The following ALK variants were observed in gnomAD, a reference collection of about 807,000 sequenced individuals.
ALK encodes ALK tyrosine kinase receptor.
A neutral mutation model predicts 163.1 loss-of-function variants in ALK; 74 were observed. The ratio of observed to expected loss-of-function variants is 0.45; its 90% CI spans 0.38 to 0.55. The LOEUF (loss-of-function observed/expected upper bound fraction) is 0.55. Ranked by LOEUF, ALK falls within the 20% of genes least tolerant of loss-of-function variation. The probability of loss-of-function intolerance (pLI) is 0.00; values close to 1 mark genes in which losing one functional copy is unlikely to be tolerated. For synonymous variants in ALK, 960 were observed against 843.2 expected (o/e 1.14, Z -2.40); for missense variants, 2,063 against 2,105.3 (o/e 0.98, Z 0.39).
intron 4 of ALK, among the ~76,000 whole-genome samples, chr2:29,527,778 G>T (rs971714778): frequency 6.6e-6 from 1 of 152,152 alleles, no homozygotes; most frequent in Non-Finnish European, 1.5e-5. Flanking sequence ...GTCTCCCAAA[G>T]TGCTGGGATT....
At chr2:29,706,903 T>A (rs1375511681) in intron 2 of ALK, among the ~76,000 whole-genome samples, 3 of 150,530 alleles carry the variant, frequency 2.0e-5, no homozygotes, top group Non-Finnish European at 3.0e-5. Context: ...AGTAAGAGAG[T>A]TGAGACCAGA....
chr2:29,569,297 C>CAAG (rs1425520979), intron 3 of ALK, among the ~76,000 whole-genome samples: 2 of 22,990 alleles, frequency 8.7e-5, no homozygotes, highest in Non-Finnish European at 1.1e-4. Context: ...ACAGCTGCAG[C>CAAG]AGGAGCAGCA....
intron 1 of ALK, among the ~76,000 whole-genome samples, chr2:29,913,471 C>G (rs1380037459): frequency 1.3e-5 from 2 of 152,146 alleles, no homozygotes; most frequent in Non-Finnish European, 2.9e-5. Context: ...AAACATTGGC[C>G]ACACCCTAGA....
rs148544336 is a variant in ALK at position 29,253,446 on chromosome 2, G to A, written c.2042-2179C>T. Among the ~76,000 whole-genome samples, 1,445 of 152,240 alleles carry A rather than the reference G, an allele frequency of 9.5e-3. 13 individuals are homozygous for A. Among genetic ancestry groups the A allele is most frequent in the Non-Finnish European group, 0.013 (880 of 68,010 alleles). ...GGATTGACATATTAAAAGAAGCAAAGGGGTAGGAAATTTCGCTGCTAAGTC... is the reference window on the plus strand; with the variant it reads ...GGATTGACATATTAAAAGAAGCAAAAGGGTAGGAAATTTCGCTGCTAAGTC... On this transcript the variant is annotated intron_variant, in intron 11 of 28. Coordinates refer to ENST00000389048, the MANE Select transcript of ALK (RefSeq NM_004304.5).
chr2:29,642,905 T>C (rs943870513), intron 3 of ALK, among the ~76,000 whole-genome samples: 2 of 152,216 alleles, frequency 1.3e-5, no homozygotes, highest in Non-Finnish European at 2.9e-5. Context: ...CCACCAACTT[T>C]TATTTAGCAC....
At chr2:29,737,914 A>G (rs935206843) in intron 1 of ALK, among the ~76,000 whole-genome samples, 9 of 152,202 alleles carry the variant, frequency 5.9e-5, no homozygotes, top group Admixed American at 2.0e-4. Context: ...TCAGGCCATC[A>G]TGAGGATAGC....
chr2:29,393,578 G>T (rs1340539473), intron 4 of ALK, among the ~76,000 whole-genome samples: 2 of 152,186 alleles, frequency 1.3e-5, no homozygotes, highest in Middle Eastern at 3.2e-3. Flanking sequence ...ATCCCCTTCT[G>T]CAATGGCTCA....
chr2:29,547,288 G>T (rs1470357159), intron 3 of ALK, among the ~76,000 whole-genome samples: 1 of 152,112 alleles, frequency 6.6e-6, no homozygotes, highest in Admixed American at 6.5e-5. Context: ...ACTGAATACA[G>T]ATTAAAACAG....
intron 5 of ALK, among the ~76,000 whole-genome samples, chr2:29,361,804 T>C (rs1668395030): frequency 6.6e-6 from 1 of 152,190 alleles, no homozygotes; most frequent in Non-Finnish European, 1.5e-5. Context: ...ACAACCGCTA[T>C]CTGGTTGGAG....
At chr2:29,501,505 T>C (rs545477967) in intron 4 of ALK, among the ~76,000 whole-genome samples, 2 of 152,336 alleles carry the variant, frequency 1.3e-5, no homozygotes, top group South Asian at 2.1e-4. Flanking sequence ...CCTCCTTTCT[T>C]TGGAGGATGC....
intron 4 of ALK, among the ~76,000 whole-genome samples, chr2:29,523,439 A>G (rs1425612544): frequency 6.6e-6 from 1 of 152,130 alleles, no homozygotes; most frequent in Non-Finnish European, 1.5e-5. Context: ...CCAGAGTCCA[A>G]CCAGTGCCTG....
intron 5 of ALK, among the ~76,000 whole-genome samples, chr2:29,358,900 C>A (rs150154166): frequency 6.6e-6 from 1 of 151,990 alleles, no homozygotes; most frequent in African/African-American, 2.4e-5. Flanking sequence ...TATATACGTT[C>A]GTAAATGATT....
At chr2:29,831,502 C>T (rs1665419366) in intron 1 of ALK, among the ~76,000 whole-genome samples, 1 of 152,082 alleles carries the variant, frequency 6.6e-6, no homozygotes, top group Non-Finnish European at 1.5e-5. Context: ...ATCAGCTCCT[C>T]TCCTGTTTTT....
chr2:29,837,838 G>C (rs376002536), intron 1 of ALK, among the ~76,000 whole-genome samples: 1 of 152,100 alleles, frequency 6.6e-6, no homozygotes, highest in African/African-American at 2.4e-5. Context: ...AAGAAAATGT[G>C]ACTCATTTCC....
chr2:29,252,043 A>G (rs1260886946), intron 11 of ALK, among the ~76,000 whole-genome samples: 1 of 152,156 alleles, frequency 6.6e-6, no homozygotes, highest in Non-Finnish European at 1.5e-5. Context: ...AAACAGGTCA[A>G]CTTTGTCTTT....
intron 1 of ALK, among the ~76,000 whole-genome samples, chr2:29,909,446 G>GAC (rs1396397295): frequency 2.0e-5 from 3 of 149,502 alleles, no homozygotes; most frequent in African/African-American, 7.4e-5. Context: ...GGCACAACTA[G>GAC]ACACACATAC....
intron 1 of ALK, among the ~76,000 whole-genome samples, chr2:29,767,835 T>A (rs553991215): frequency 3.3e-5 from 5 of 152,246 alleles, no homozygotes; most frequent in Non-Finnish European, 7.3e-5. Flanking sequence ...TGGCATCTTG[T>A]GTCCTGTCAA....
intron 2 of ALK, among the ~76,000 whole-genome samples, chr2:29,715,256 A>T (rs1224109527): frequency 6.6e-6 from 1 of 152,204 alleles, no homozygotes; most frequent in Non-Finnish European, 1.5e-5. Flanking sequence ...CTTCCCCATA[A>T]ATCAATAGCA....
At chr2:29,645,136 T>A (rs545101454) in intron 3 of ALK, among the ~76,000 whole-genome samples, 1 of 152,276 alleles carries the variant, frequency 6.6e-6, no homozygotes, top group African/African-American at 2.4e-5. Context: ...GTAATATTTT[T>A]GCTACCACCA....
Sources: allele counts gnomAD v4.1 joint callset (sites outside exome capture counted in the v4.1 genomes callset), GRCh38; gene constraint gnomAD v4.1.1; transcripts MANE v1.5; gene names NCBI Gene and HGNC (gene_info 2026-07-23, HGNC 2026-07-21).